DPP10: variants seen among roughly 807,000 people sequenced by gnomAD.
DPP10 encodes inactive dipeptidyl peptidase 10.
A neutral mutation model predicts 120.9 loss-of-function variants in DPP10; 33 were observed. The observed-to-expected ratio is 0.27, with a 90% CI of 0.21 to 0.37. The LOEUF (loss-of-function observed/expected upper bound fraction) is 0.37. Among genes scored for constraint, DPP10 ranks in the 10% least tolerant of loss-of-function variants. DPP10 has a pLI of 1.00. For missense variants in DPP10, 816 were observed against 942.8 expected, an observed-to-expected ratio of 0.87 and a Z score of 1.76; for synonymous variants, 337 against 326.1, an observed-to-expected ratio of 1.03 and a Z score of -0.36.
intron 1 of DPP10, among the ~76,000 whole-genome samples, chr2:114,920,706 T>TA (rs1466818864): frequency 1.3e-5 from 2 of 152,214 alleles, no homozygotes; most frequent in Admixed American, 6.5e-5. Context: ...ATAAACATTT[T>TA]ACAAGAAATG....
At chr2:114,954,303 T>G (rs985413749) in intron 1 of DPP10, among the ~76,000 whole-genome samples, 29 of 152,028 alleles carry the variant, frequency 1.9e-4, no homozygotes, top group Admixed American at 2.6e-4. Context: ...CAGGATGGTC[T>G]TGATCTCCTG....
At chr2:115,668,660 G>A (rs1263430602) in intron 5 of DPP10, among the ~76,000 whole-genome samples, 1 of 151,996 alleles carries the variant, frequency 6.6e-6, no homozygotes, top group African/African-American at 2.4e-5. Context: ...AGGGTGGGCT[G>A]GTCTGTCAGG....
At chr2:115,375,079 T>C (rs1165793366) in intron 3 of DPP10, among the ~76,000 whole-genome samples, 2 of 152,242 alleles carry the variant, frequency 1.3e-5, no homozygotes, top group Non-Finnish European at 2.9e-5. Context: ...TTTTCTTTTC[T>C]ACTATATGGT....
intron 3 of DPP10, among the ~76,000 whole-genome samples, chr2:115,383,390 G>T (rs1052834131): frequency 1.3e-5 from 2 of 152,150 alleles, no homozygotes; most frequent in African/African-American, 2.4e-5. Context: ...ATGATTGTGA[G>T]TCCTCCCCAG....
chr2:114,641,970 C>G (rs1272852764), intron 1 of DPP10, among the ~76,000 whole-genome samples: 1 of 151,792 alleles, frequency 6.6e-6, no homozygotes, highest in African/African-American at 2.4e-5. Context: ...TCACTCAATG[C>G]ATCATTCTTT....
chr2:114,739,108 T>G (rs1677765674), intron 1 of DPP10, among the ~76,000 whole-genome samples: 1 of 152,204 alleles, frequency 6.6e-6, no homozygotes, highest in Non-Finnish European at 1.5e-5. Flanking sequence ...CCTTAGTTTT[T>G]TGTCACATTT....
intron 7 of DPP10, among the ~76,000 whole-genome samples, chr2:115,718,157 G>A (rs1440098586): frequency 6.7e-6 from 1 of 148,288 alleles, no homozygotes. Flanking sequence ...ATCTTTTCTA[G>A]CAAATTACTT....
intron 1 of DPP10, among the ~76,000 whole-genome samples, chr2:114,682,757 T>C (rs548077035): frequency 1.4e-5 from 2 of 144,652 alleles, no homozygotes; most frequent in South Asian, 4.4e-4. Flanking sequence ...TCTATCTATC[T>C]ATCTATCTGT....
intron 1 of DPP10, among the ~76,000 whole-genome samples, chr2:114,698,550 G>C (rs1475064216): frequency 6.6e-6 from 1 of 152,112 alleles, no homozygotes; most frequent in African/African-American, 2.4e-5. Context: ...GGGTCAAGGG[G>C]TCAAGTGTTT....
intron 1 of DPP10, among the ~76,000 whole-genome samples, chr2:114,684,500 C>T (rs541847725): frequency 2.6e-5 from 4 of 152,126 alleles, no homozygotes; most frequent in Middle Eastern, 3.4e-3. Flanking sequence ...TTTTACAATG[C>T]TAGTGTGCTA....
chr2:115,213,907 C>T (rs967823344), intron 1 of DPP10, among the ~76,000 whole-genome samples: 2 of 152,064 alleles, frequency 1.3e-5, no homozygotes, highest in African/African-American at 4.8e-5. Flanking sequence ...ACTGAGGTTC[C>T]TAAGTCACTG....
chr2:115,159,845 CTCAA>C (rs2052177138), intron 1 of DPP10, among the ~76,000 whole-genome samples: 1 of 152,110 alleles, frequency 6.6e-6, no homozygotes, highest in Non-Finnish European at 1.5e-5. Context: ...AACAGTTGAA[CTCAA>C]TCAAATAAGT....
chr2:115,157,245 A>C (rs1312120912), intron 1 of DPP10, among the ~76,000 whole-genome samples: 4 of 69,304 alleles, frequency 5.8e-5, no homozygotes, highest in Non-Finnish European at 1.1e-4. Context: ...TAAATATAGC[A>C]AAAAAAAAAA....
chr2:115,805,519 G>C (rs183148924), intron 19 of DPP10, among the ~76,000 whole-genome samples: 2,726 of 151,472 alleles, frequency 0.018, 84 homozygotes, highest in African/African-American at 0.061. Context: ...TCTTCTGCGT[G>C]GCTCAGGCAG....
intron 1 of DPP10, among the ~76,000 whole-genome samples, chr2:115,114,248 G>A (rs1362833140): frequency 6.6e-6 from 1 of 152,114 alleles, no homozygotes; most frequent in Non-Finnish European, 1.5e-5. Flanking sequence ...CAGTCCATGT[G>A]TATGCCTCAA....
At chr2:115,328,274 A>T (rs1046340629) in intron 2 of DPP10, among the ~76,000 whole-genome samples, 1 of 152,106 alleles carries the variant, frequency 6.6e-6, no homozygotes, top group Non-Finnish European at 1.5e-5. Context: ...GAAAGCTTAC[A>T]TACATTTCTC....
chr2:114,825,128 A>C (rs1382703406), intron 1 of DPP10, among the ~76,000 whole-genome samples: 1 of 152,188 alleles, frequency 6.6e-6, no homozygotes, highest in Non-Finnish European at 1.5e-5. Flanking sequence ...TTTTGCTGAG[A>C]GCTTTGGTAA....
intron 1 of DPP10, chr2:114,828,469 A>G (rs1686764107): frequency 6.6e-6 from 1 of 152,208 alleles, no homozygotes; most frequent in South Asian, 2.1e-4. Flanking sequence ...TTTATTTAGA[A>G]TCTACTAATA....
At chr2:115,791,796 GT>G (rs1250975499) in intron 19 of DPP10, among the ~76,000 whole-genome samples, 2 of 152,048 alleles carry the variant, frequency 1.3e-5, no homozygotes, top group Non-Finnish European at 2.9e-5. Flanking sequence ...CTTGACTCAA[GT>G]TTTTTTCATC....
Sources: gnomAD v4.1 joint callset for allele counts (sites outside exome capture counted in the v4.1 genomes callset) on GRCh38, gnomAD v4.1.1 for gene constraint, MANE v1.5 for transcripts, NCBI Gene and HGNC (gene_info 2026-07-23, HGNC 2026-07-21) for gene names.